Variants in SLC39A8 observed in about 807,000 individuals in gnomAD.
The protein encoded by SLC39A8 is metal cation symporter ZIP8.
SLC39A8 carries 15 observed loss-of-function variants against 40.4 expected under a neutral mutation model. That is an observed-to-expected ratio of 0.37 (90% CI 0.25 to 0.57). The LOEUF is 0.57. Among genes scored for constraint, SLC39A8 ranks in the 20% least tolerant of loss-of-function variants. SLC39A8 has a pLI of 0.75. For missense variants in SLC39A8, 472 were observed against 558.8 expected, an observed-to-expected ratio of 0.84 and a Z score of 1.57; for synonymous variants, 223 against 221.6, an observed-to-expected ratio of 1.01 and a Z score of -0.06.
chr4:102,281,612 G>T (rs943524957), intron 6 of SLC39A8, among the ~76,000 whole-genome samples: 4 of 152,154 alleles, frequency 2.6e-5, no homozygotes, highest in Non-Finnish European at 5.9e-5. Context: ...CACCATGACA[G>T]AACAGGCACT....
intron 2 of SLC39A8, among the ~76,000 whole-genome samples, chr4:102,325,028 G>T (rs1026774733): frequency 5.3e-4 from 81 of 151,956 alleles, no homozygotes; most frequent in African/African-American, 1.9e-3. Flanking sequence ...TCAATTACAA[G>T]GCACTCAAGT....
intron 2 of SLC39A8, among the ~76,000 whole-genome samples, chr4:102,338,210 G>A (rs946339975): frequency 2.8e-5 from 4 of 144,592 alleles, no homozygotes; most frequent in South Asian, 2.2e-4. Flanking sequence ...TTTTCGAGAC[G>A]GAGTCTTACT....
intron 6 of SLC39A8, among the ~76,000 whole-genome samples, chr4:102,293,054 A>G (rs1232313459): frequency 6.6e-6 from 1 of 151,942 alleles, no homozygotes; most frequent in African/African-American, 2.4e-5. Context: ...CCTAATGAAC[A>G]ATGTATAATT....
intron 2 of SLC39A8, among the ~76,000 whole-genome samples, chr4:102,344,112 T>C (rs1736055246): frequency 6.6e-6 from 1 of 152,298 alleles, no homozygotes; most frequent in Admixed American, 6.5e-5. Context: ...AAGTAACTCA[T>C]TCCTATCTAA....
chr4:102,266,237 A>G (rs1732089544), intron 8 of SLC39A8, among the ~76,000 whole-genome samples: 1 of 152,194 alleles, frequency 6.6e-6, no homozygotes, highest in Non-Finnish European at 1.5e-5. Context: ...ATTATTTCTT[A>G]GTATTATTTC....
chr4:102,258,086 TGTAA>T (rs775288792), downstream of SLC39A8, among the ~76,000 whole-genome samples: 1 of 151,520 alleles, frequency 6.6e-6, no homozygotes. Flanking sequence ...ACAGGTTTGT[TGTAA>T]GTAAGTGTTT....
At chr4:102,259,649 G>A, downstream of SLC39A8, 2 of 623,324 alleles carry the variant, frequency 3.2e-6, no homozygotes, top group Non-Finnish European at 5.6e-6. Context: ...CAACCCGAAA[G>A]TCAACGATTT....
intron 6 of SLC39A8, among the ~76,000 whole-genome samples, chr4:102,288,129 G>A (rs1560539242): frequency 6.6e-6 from 1 of 152,080 alleles, no homozygotes; most frequent in Non-Finnish European, 1.5e-5. Flanking sequence ...CCTGCATTGA[G>A]CAAGTCTATC....
intron 2 of SLC39A8, 41 bp from the exon 3 acceptor site, chr4:102,315,871 G>C (rs377528853): frequency 2.4e-4 from 365 of 1,546,790 alleles, no homozygotes; most frequent in Non-Finnish European, 3.1e-4. Context: ...ATAATAATGT[G>C]TAAAAGCACA....
At chr4:102,299,033 G>A (rs1041763161) in intron 6 of SLC39A8, among the ~76,000 whole-genome samples, 5 of 152,002 alleles carry the variant, frequency 3.3e-5, no homozygotes, top group African/African-American at 7.2e-5. Flanking sequence ...GTGAACTAGA[G>A]AGACCCTCAA....
intron 6 of SLC39A8, among the ~76,000 whole-genome samples, chr4:102,300,553 C>T (rs1382236320): frequency 6.6e-6 from 1 of 151,994 alleles, no homozygotes; most frequent in Admixed American, 6.6e-5. Flanking sequence ...TAGATTTTCA[C>T]ATAATTTACA....
At chr4:102,337,059 C>T (rs1735696908) in intron 2 of SLC39A8, among the ~76,000 whole-genome samples, 1 of 152,028 alleles carries the variant, frequency 6.6e-6, no homozygotes, top group Admixed American at 6.6e-5. Context: ...ACTTGGAATA[C>T]AAGTAACTTG....
intron 6 of SLC39A8, among the ~76,000 whole-genome samples, chr4:102,298,519 T>C (rs1322621774): frequency 3.9e-5 from 6 of 152,088 alleles, no homozygotes; most frequent in African/African-American, 1.4e-4. Flanking sequence ...TTAATTGTTA[T>C]TATAGGGGAA....
At chr4:102,268,289 G>C (rs145557575) in intron 6 of SLC39A8, among the ~76,000 whole-genome samples, 1 of 152,144 alleles carries the variant, frequency 6.6e-6, no homozygotes, top group Non-Finnish European at 1.5e-5. Context: ...CCTCGAATAA[G>C]CCACTAACAG....
exon 12 of SLC39A8, chr4:102,252,694 T>G (rs1199468100): frequency 6.6e-6 from 1 of 152,196 alleles, no homozygotes; most frequent in Admixed American, 6.5e-5. Flanking sequence ...CTGCTGTGCT[T>G]CTTCAGCACA....
intron 2 of SLC39A8, among the ~76,000 whole-genome samples, chr4:102,325,450 CA>C (rs1301499459): frequency 1.3e-5 from 2 of 152,170 alleles, no homozygotes; most frequent in Admixed American, 6.5e-5. Context: ...CATACACACA[CA>C]CTTACGTTCA....
chr4:102,264,273 C>T (rs1397592122), intron 8 of SLC39A8, among the ~76,000 whole-genome samples: 1 of 152,176 alleles, frequency 6.6e-6, no homozygotes, highest in Non-Finnish European at 1.5e-5. Flanking sequence ...TTAGCAAGCA[C>T]AAAAACTTTC....
intron 6 of SLC39A8, among the ~76,000 whole-genome samples, chr4:102,297,754 AC>A (rs1294270306): frequency 6.6e-6 from 1 of 151,952 alleles, no homozygotes; most frequent in East Asian, 1.9e-4. Flanking sequence ...CCATTTCTAC[AC>A]AAAAAAAATT....
intron 2 of SLC39A8, among the ~76,000 whole-genome samples, chr4:102,332,684 A>T (rs1035144788): frequency 2.6e-5 from 4 of 152,280 alleles, no homozygotes; most frequent in Non-Finnish European, 2.9e-5. Context: ...CCAAAGGATT[A>T]TAAATCACTC....
Sources: allele counts gnomAD v4.1 joint callset (sites outside exome capture counted in the v4.1 genomes callset), GRCh38; gene constraint gnomAD v4.1.1; transcripts MANE v1.5; gene names NCBI Gene and HGNC (gene_info 2026-07-23, HGNC 2026-07-21).